CHODL: variants seen among roughly 807,000 people sequenced by gnomAD.
The protein encoded by CHODL is chondrolectin.
Under a neutral mutation model 34.5 loss-of-function variants are expected in CHODL, and 29 were observed. The observed-to-expected ratio is 0.84, with a 90% CI of 0.63 to 1.15. The LOEUF is 1.15. Ranked by LOEUF, CHODL falls within the 50% of genes most tolerant of loss-of-function variation. CHODL has a pLI of 0.00. For missense variants in CHODL, 332 were observed against 332.5 expected (o/e 1.00, Z 0.01); for synonymous variants, 125 against 116.1 (o/e 1.08, Z -0.49).
In CHODL at chr21:17,950,537, T is replaced by TACACAC. The variant is rs1568813369; in HGVS notation, c.-145+33137_-145+33138insACACAC. On this transcript the variant is annotated intron_variant, in intron 1 of 6. Transcript: ENST00000400127. ...ACACACACACACACACACACACACTTCTTTAAAGCCATCTAAGAACTGTGG... is the reference window on the plus strand; with the variant it reads ...ACACACACACACACACACACACACTTACACACCTTTAAAGCCATCTAAGAACTGTGG... Among the ~76,000 whole-genome samples the TACACAC allele has an allele frequency of 6.4e-3, 282 of 43,986 alleles. 2 individuals carry two copies. The highest frequency in any genetic ancestry group is 0.018 in the African/African-American group (201 of 11,086). 28.9% of individuals were successfully genotyped at this position (43,986 alleles called of 152,430 possible).
At chr21:18,183,811 T>TA (rs111348238) in intron 2 of CHODL, among the ~76,000 whole-genome samples, 65,291 of 151,694 alleles carry the variant, frequency 0.43, 19,390 homozygotes, top group African/African-American at 0.81. Flanking sequence ...TGTTCAATAT[T>TA]CGAATCTGAA....
chr21:18,103,322 G>C (rs2065237346), intron 2 of CHODL, among the ~76,000 whole-genome samples: 1 of 152,066 alleles, frequency 6.6e-6, no homozygotes. Flanking sequence ...TCTCAGTAGA[G>C]GTACTAAGAA....
chr21:18,111,519 T>C (rs1417942212), intron 2 of CHODL, among the ~76,000 whole-genome samples: 1 of 152,168 alleles, frequency 6.6e-6, no homozygotes, highest in Non-Finnish European at 1.5e-5. Flanking sequence ...CTGGACTCAG[T>C]CCAATTATTG....
At chr21:18,081,053 T>C (rs1316191604) in intron 2 of CHODL, among the ~76,000 whole-genome samples, 1 of 152,192 alleles carries the variant, frequency 6.6e-6, no homozygotes, top group African/African-American at 2.4e-5. Flanking sequence ...ATACTTTACC[T>C]CCTTTGTTAA....
intron 2 of CHODL, among the ~76,000 whole-genome samples, chr21:18,164,983 A>G (rs1109382): frequency 0.73 from 110,460 of 152,092 alleles, 41,968 homozygotes; most frequent in Middle Eastern, 0.87. Context: ...CTTTTTTTCT[A>G]TCTCTATTGC....
At chr21:18,198,176 C>T (rs1022917775) in intron 2 of CHODL, among the ~76,000 whole-genome samples, 1 of 152,138 alleles carries the variant, frequency 6.6e-6, no homozygotes, top group African/African-American at 2.4e-5. Context: ...AGATGCTATA[C>T]AGTGCATTAT....
At chr21:18,137,133 A>G (rs1301588238) in intron 2 of CHODL, among the ~76,000 whole-genome samples, 1 of 152,048 alleles carries the variant, frequency 6.6e-6, no homozygotes, top group Non-Finnish European at 1.5e-5. Flanking sequence ...CCTGTGTGCA[A>G]TGTAAAACCA....
rs375554968 is a variant in CHODL, at chr21:17,938,641, G to A, written c.-145+21241G>A. On this transcript the variant is annotated intron_variant, in intron 1 of 6. Transcript: ENST00000400127. ...CTACAGGCGCCCGCCACCGCGCCTG[G>A]CTAATGTTTTGTATTTTTAGTAGAG... Among the ~76,000 whole-genome samples, 287 of 152,018 alleles carry A rather than the reference G, an allele frequency of 1.9e-3. 2 individuals are homozygous for A. Among genetic ancestry groups the A allele is most frequent in the Middle Eastern group, 6.8e-3 (2 of 292 alleles).
chr21:17,959,151 G>A (rs1332919257), intron 1 of CHODL, among the ~76,000 whole-genome samples: 1 of 152,146 alleles, frequency 6.6e-6, no homozygotes, highest in Non-Finnish European at 1.5e-5. Context: ...TGAACTATGT[G>A]CTACAAAATA....
chr21:18,159,269 A>G (rs957299479), intron 2 of CHODL, among the ~76,000 whole-genome samples: 10 of 152,214 alleles, frequency 6.6e-5, no homozygotes, highest in Non-Finnish European at 2.9e-5. Context: ...GCATAAGGTA[A>G]GAAAACTTTC....
At chr21:18,227,001 A>C (rs1282358899) in intron 2 of CHODL, among the ~76,000 whole-genome samples, 2 of 152,174 alleles carry the variant, frequency 1.3e-5, no homozygotes, top group Non-Finnish European at 2.9e-5. Context: ...CATTTCTCAC[A>C]GTTTTGGAGG....
intron 2 of CHODL, among the ~76,000 whole-genome samples, chr21:18,214,515 G>A (rs935293665): frequency 5.3e-5 from 8 of 152,154 alleles, no homozygotes; most frequent in African/African-American, 1.9e-4. Context: ...TTATAAGCCT[G>A]GTTCAATCAC....
At chr21:18,171,270 A>G (rs1350438966) in intron 2 of CHODL, among the ~76,000 whole-genome samples, 3 of 114,578 alleles carry the variant, frequency 2.6e-5, no homozygotes, top group East Asian at 2.6e-4. Flanking sequence ...GCAGCGGCGC[A>G]ATCTCGGCTC....
chr21:17,944,848 C>T (rs548072705), intron 1 of CHODL, among the ~76,000 whole-genome samples: 6 of 152,302 alleles, frequency 3.9e-5, no homozygotes, highest in Non-Finnish European at 8.8e-5. Flanking sequence ...AAGGGGCTGT[C>T]TTTTCAGATG....
At chr21:18,073,265 T>A (rs2064827206) in intron 2 of CHODL, among the ~76,000 whole-genome samples, 1 of 152,106 alleles carries the variant, frequency 6.6e-6, no homozygotes, top group Non-Finnish European at 1.5e-5. Flanking sequence ...AAGGTGAAAA[T>A]CTGAAAGTAA....
intron 2 of CHODL, among the ~76,000 whole-genome samples, chr21:18,039,120 G>A (rs375785344): frequency 1.6e-4 from 25 of 151,628 alleles, no homozygotes; most frequent in African/African-American, 5.3e-4. Context: ...ATTCTGAATC[G>A]AGGGATTCTT....
chr21:18,082,284 C>A (rs59084846), intron 2 of CHODL, among the ~76,000 whole-genome samples: 104 of 152,304 alleles, frequency 6.8e-4, no homozygotes, highest in Admixed American at 1.8e-3. Context: ...TTTCCTGAGG[C>A]TTCCCAGTCA....
At chr21:17,981,586 A>T (rs2063714395) in intron 1 of CHODL, among the ~76,000 whole-genome samples, 1 of 152,304 alleles carries the variant, frequency 6.6e-6, no homozygotes, top group South Asian at 2.1e-4. Context: ...GACAATGTCC[A>T]GGGAAAAAGA....
intron 2 of CHODL, among the ~76,000 whole-genome samples, chr21:18,144,293 T>C (rs112405104): frequency 4.5e-4 from 69 of 152,292 alleles, no homozygotes; most frequent in African/African-American, 1.6e-3. Context: ...ATTTTTTCTG[T>C]TAGCCTCTTA....
Sources: allele counts gnomAD v4.1 joint callset (sites outside exome capture counted in the v4.1 genomes callset), GRCh38; gene constraint gnomAD v4.1.1; transcripts MANE v1.5; gene names NCBI Gene and HGNC (gene_info 2026-07-23, HGNC 2026-07-21).